BANK1: variants seen among roughly 807,000 people sequenced by gnomAD.
The protein encoded by BANK1 is B-cell scaffold protein with ankyrin repeats.
In BANK1, 95 loss-of-function variants were observed where a neutral mutation model predicts 94.5. The observed-to-expected ratio is 1.00, with a 90% confidence interval of 0.85 to 1.19. The LOEUF is 1.19. BANK1 is among the 50% of genes most tolerant of loss of function. The pLI is 0.00. For synonymous variants in BANK1, 334 were observed against 308.4 expected (o/e 1.08, Z -0.87); for missense variants, 987 against 932.2 (o/e 1.06, Z -0.77).
chr4:101,984,019 G>A (rs188811710), intron 7 of BANK1, among the ~76,000 whole-genome samples: 1 of 151,950 alleles, frequency 6.6e-6, no homozygotes, highest in African/African-American at 2.4e-5. Context: ...ATAGATAAGA[G>A]AGGGGAATGT....
chr4:102,046,395 A>G (rs532787045), intron 11 of BANK1, among the ~76,000 whole-genome samples: 2 of 152,286 alleles, frequency 1.3e-5, no homozygotes, highest in East Asian at 3.9e-4. Flanking sequence ...CAAAGGCATG[A>G]AATAACCTTA....
intron 7 of BANK1, among the ~76,000 whole-genome samples, chr4:101,960,140 G>A (rs905963809): frequency 1.3e-5 from 2 of 151,890 alleles, no homozygotes; most frequent in Admixed American, 6.6e-5. Context: ...AAACTAGGAG[G>A]GCATTTTTAC....
intron 7 of BANK1, among the ~76,000 whole-genome samples, chr4:101,958,577 C>G (rs1014199728): frequency 2.0e-5 from 3 of 150,350 alleles, no homozygotes; most frequent in African/African-American, 7.3e-5. Context: ...CTTTTCTATT[C>G]AAAGACATAC....
chr4:101,878,719 A>G (rs1453105157), intron 5 of BANK1, among the ~76,000 whole-genome samples: 1 of 152,194 alleles, frequency 6.6e-6, no homozygotes, highest in South Asian at 2.1e-4. Flanking sequence ...AACAAGTTTT[A>G]GAGCAGTCAA....
chr4:101,952,090 A>G (rs924636652), intron 7 of BANK1, among the ~76,000 whole-genome samples: 1 of 152,114 alleles, frequency 6.6e-6, no homozygotes, highest in Non-Finnish European at 1.5e-5. Flanking sequence ...GCATAAATAA[A>G]TAAATAAATT....
chr4:101,947,508 A>G (rs1231190171), intron 7 of BANK1, among the ~76,000 whole-genome samples: 5 of 151,386 alleles, frequency 3.3e-5, no homozygotes, highest in African/African-American at 1.2e-4. Context: ...GTTCAAGTAG[A>G]AACATAGAAG....
intron 11 of BANK1, among the ~76,000 whole-genome samples, chr4:102,058,337 T>C (rs1451736190): frequency 6.6e-6 from 1 of 152,160 alleles, no homozygotes; most frequent in African/African-American, 2.4e-5. Context: ...TTTTAAAAAC[T>C]GTAGTTTACC....
chr4:102,053,778 C>T (rs1377179011), intron 11 of BANK1, among the ~76,000 whole-genome samples: 3 of 151,522 alleles, frequency 2.0e-5, no homozygotes, highest in South Asian at 2.1e-4. Context: ...CGTAATGTAA[C>T]ATAATTATTG....
intron 7 of BANK1, among the ~76,000 whole-genome samples, chr4:101,925,200 G>A (rs2148902988): frequency 6.8e-6 from 1 of 146,854 alleles, no homozygotes; most frequent in Admixed American, 6.7e-5. Flanking sequence ...ATATTATTTA[G>A]AGTTAGGGTA....
chr4:101,805,562 T>G (rs1560581263), intron 1 of BANK1, among the ~76,000 whole-genome samples: 1 of 150,794 alleles, frequency 6.6e-6, no homozygotes, highest in Admixed American at 6.6e-5. Context: ...CTCAGATAAA[T>G]AAATAATAAA....
intron 2 of BANK1, among the ~76,000 whole-genome samples, chr4:101,831,622 G>A (rs1726623950): frequency 6.6e-6 from 1 of 152,018 alleles, no homozygotes; most frequent in African/African-American, 2.4e-5. Flanking sequence ...TTACAGACAC[G>A]CACCACCATG....
At chr4:101,883,990 G>C (rs1202349865) in intron 5 of BANK1, among the ~76,000 whole-genome samples, 1 of 152,042 alleles carries the variant, frequency 6.6e-6, no homozygotes, top group Non-Finnish European at 1.5e-5. Flanking sequence ...ACTAATAACA[G>C]TTATAGTACA....
chr4:102,023,013 C>G (rs1396594710), intron 8 of BANK1, among the ~76,000 whole-genome samples: 1 of 152,166 alleles, frequency 6.6e-6, no homozygotes, highest in Non-Finnish European at 1.5e-5. Context: ...TTGCACTTAT[C>G]AACATTTAAT....
intron 4 of BANK1, among the ~76,000 whole-genome samples, chr4:101,866,453 A>G (rs527509012): frequency 6.6e-6 from 1 of 152,170 alleles, no homozygotes; most frequent in Non-Finnish European, 1.5e-5. Context: ...AAATATTCGC[A>G]TATTAATGAC....
chr4:102,035,454 C>G, intron 10 of BANK1, among the ~76,000 whole-genome samples: 1 of 152,022 alleles, frequency 6.6e-6, no homozygotes, highest in Non-Finnish European at 1.5e-5. Context: ...TGAGACCATC[C>G]TGGCTAACAC....
At position 101,936,426 on chromosome 4, in the gene BANK1, T is replaced by C. The variant is rs750394386; in HGVS notation, c.1206+18237T>C. Among the ~76,000 whole-genome samples the C allele has an allele frequency of 5.3e-5, 8 of 150,330 alleles. No individual in the cohort carries two copies. The South Asian group carries it at 8.3e-4, about 16-fold the overall frequency. On this transcript the variant is annotated intron_variant, in intron 7 of 16. Transcript: ENST00000322953. ...ATGTGCGTATGCATGTATACATGCATGTATAAGATGTATACATGTTTGCAT... is the reference window on the plus strand; with the variant it reads ...ATGTGCGTATGCATGTATACATGCACGTATAAGATGTATACATGTTTGCAT...
intron 13 of BANK1, among the ~76,000 whole-genome samples, chr4:102,066,070 TA>T (rs1247708374): frequency 6.6e-6 from 1 of 152,126 alleles, no homozygotes. Flanking sequence ...AAAAAACTTT[TA>T]AAAACCAAAC....
intron 9 of BANK1, 90 bp downstream of exon 9, chr4:102,025,599 A>T (rs544307813): frequency 5.7e-5 from 69 of 1,218,922 alleles, no homozygotes; most frequent in African/African-American, 5.0e-4. Flanking sequence ...AAATCTATAC[A>T]GAGCAGATCA....
chr4:102,010,647 C>G (rs1475163346), intron 7 of BANK1, among the ~76,000 whole-genome samples: 1 of 152,110 alleles, frequency 6.6e-6, no homozygotes, highest in African/African-American at 2.4e-5. Context: ...TCCACTTTGG[C>G]CTCCCAAAGG....
Sources: allele counts gnomAD v4.1 joint callset (sites outside exome capture counted in the v4.1 genomes callset), GRCh38; gene constraint gnomAD v4.1.1; transcripts MANE v1.5; gene names NCBI Gene and HGNC (gene_info 2026-07-23, HGNC 2026-07-21).